ADAMTS6: variants seen among roughly 807,000 people sequenced by gnomAD.
ADAMTS6 encodes the protein ADAM metallopeptidase with thrombospondin type 1 motif 6.
A neutral mutation model predicts 144.3 loss-of-function variants in ADAMTS6; 23 were observed. That is an observed-to-expected ratio of 0.16 (90% CI 0.11 to 0.23). The LOEUF (loss-of-function observed/expected upper bound fraction) is 0.23, where lower values mean the gene tolerates loss of function less well. Ranked by LOEUF, ADAMTS6 falls within the 10% of genes least tolerant of loss-of-function variation. The probability of loss-of-function intolerance (pLI) is 1.00; values close to 1 mark genes in which losing one functional copy is unlikely to be tolerated. For synonymous variants in ADAMTS6, 444 were observed against 457.5 expected (o/e 0.97, Z 0.38); for missense variants, 999 against 1,379.6 (o/e 0.72, Z 4.37).
chr5:65,292,662 T>G (rs188606918), intron 10 of ADAMTS6, among the ~76,000 whole-genome samples: 1 of 152,134 alleles, frequency 6.6e-6, no homozygotes, highest in Non-Finnish European at 1.5e-5. Flanking sequence ...TACGGTGATA[T>G]AGAGTTAAAG....
intron 11 of ADAMTS6, among the ~76,000 whole-genome samples, chr5:65,282,499 T>A (rs1763059047): frequency 6.6e-6 from 1 of 152,078 alleles, no homozygotes; most frequent in Admixed American, 6.6e-5. Context: ...CTCTGCTGGA[T>A]CAGGGAAAAG....
rs1554083187 is a variant in ADAMTS6, at chr5:65,398,796, G to GA, written c.1073+52678dup. Among the ~76,000 whole-genome samples, 39 of 83,968 alleles carry GA rather than the reference G, an allele frequency of 4.6e-4. 1 individual carries two copies. Among genetic ancestry groups the GA allele is most frequent in the Admixed American group, 1.3e-3 (11 of 8,422 alleles). The allele number at this position is 83,968 out of a possible 152,430, so 55.1% of individuals were successfully genotyped here. A position where few individuals can be genotyped will look rare whatever the true frequency, so the allele number is the denominator to read the frequency against. Reference sequence around the variant, plus strand: ...GAAGAGAGAGCAAGAAAGAAAGAAAGAAAGAAAGAAAGAAAGAAAGAAAGA... The same window carrying GA: ...GAAGAGAGAGCAAGAAAGAAAGAAAGAAAAGAAAGAAAGAAAGAAAGAAAGA... On this transcript the variant is annotated intron_variant, in intron 7 of 24. Coordinates refer to ENST00000381055, the MANE Select transcript of ADAMTS6 (RefSeq NM_197941.4).
At chr5:65,233,595 ATACT>A (rs1758430018) in intron 15 of ADAMTS6, among the ~76,000 whole-genome samples, 3 of 151,984 alleles carry the variant, frequency 2.0e-5, no homozygotes, top group African/African-American at 7.2e-5. Context: ...TAGCCTAAAA[ATACT>A]TAGGTATAAC....
At chr5:65,435,686 C>T (rs925233204) in intron 7 of ADAMTS6, among the ~76,000 whole-genome samples, 4 of 151,584 alleles carry the variant, frequency 2.6e-5, no homozygotes, top group East Asian at 1.9e-4. Context: ...AGTACAGTGG[C>T]GCGATATCGG....
chr5:65,327,941 A>G (rs376298984), intron 9 of ADAMTS6, among the ~76,000 whole-genome samples: 3 of 152,168 alleles, frequency 2.0e-5, no homozygotes, highest in African/African-American at 7.2e-5. Flanking sequence ...ATTCAGTTTG[A>G]TTGCATAAGA....
intron 10 of ADAMTS6, among the ~76,000 whole-genome samples, chr5:65,292,349 T>G (rs1213747059): frequency 6.6e-6 from 1 of 151,986 alleles, no homozygotes; most frequent in Non-Finnish European, 1.5e-5. Context: ...ATTTAAAAAT[T>G]TTTTCCAACA....
intron 20 of ADAMTS6, among the ~76,000 whole-genome samples, chr5:65,204,122 A>C (rs62369565): frequency 6.6e-6 from 1 of 152,104 alleles, no homozygotes; most frequent in African/African-American, 2.4e-5. Context: ...ATTAGAGAAA[A>C]TGCAATCCAC....
chr5:65,443,328 G>A (rs1183401437), intron 7 of ADAMTS6, among the ~76,000 whole-genome samples: 4 of 152,038 alleles, frequency 2.6e-5, no homozygotes, highest in East Asian at 1.9e-4. Flanking sequence ...AAGAATGAAA[G>A]GTTGTTTTGG....
At chr5:65,278,544 C>A (rs768909820) in intron 11 of ADAMTS6, among the ~76,000 whole-genome samples, 1 of 152,164 alleles carries the variant, frequency 6.6e-6, no homozygotes, top group Non-Finnish European at 1.5e-5. Flanking sequence ...GGTGGTATCT[C>A]ACTGTGGTTT....
chr5:65,370,326 C>G (rs906003998), intron 7 of ADAMTS6, among the ~76,000 whole-genome samples: 4 of 152,168 alleles, frequency 2.6e-5, no homozygotes, highest in Admixed American at 2.0e-4. Flanking sequence ...ATGAGCAACG[C>G]AGAAGGCGGG....
rs560314566 is a variant in ADAMTS6 at position 65,194,720 on chromosome 5, C to G, written c.2705+2302G>C. On this transcript the variant is annotated intron_variant, in intron 21 of 24. Transcript: ENST00000381055. Reference sequence around the variant, plus strand: ...CTACATTTAGGTCTTTAAAAAAAACCCATCAGACTAAACTTTCTATTTTTC... The same window carrying G: ...CTACATTTAGGTCTTTAAAAAAAACGCATCAGACTAAACTTTCTATTTTTC... Among the ~76,000 whole-genome samples the G allele has an allele frequency of 2.6e-5, 4 of 151,870 alleles. No homozygotes were observed. In the East Asian group the frequency reaches 7.7e-4, roughly 29 times the overall value.
rs2112334053 is a variant in ADAMTS6 at position 65,215,477 on chromosome 5, A to C, written c.2283T>G (p.Ser761=). ...CATTAATATAGTAATCATCTCCTTC[A>C]GATTTTAAAGCTAGAAAACAAATCA... The part of the protein sequence containing the change: ...AMSKNYIALK[S]EGDDYYINGA... The change falls in exon 19 of 25, where the codon TCT becomes TCG. Residue 761 remains serine (S), a synonymous_variant. Transcript: ENST00000381055. 6.2e-7 allele frequency: 1 copy of C among 1,601,460 alleles called. No individual in the cohort carries two copies. Among genetic ancestry groups the C allele is most frequent in the East Asian group, 2.2e-5 (1 of 44,810 alleles).
intron 7 of ADAMTS6, among the ~76,000 whole-genome samples, chr5:65,413,787 T>C (rs1272899859): frequency 6.6e-6 from 1 of 152,196 alleles, no homozygotes; most frequent in African/African-American, 2.4e-5. Flanking sequence ...ATTGCTACTC[T>C]ACTGGTGTTT....
At chr5:65,205,997 A>G (rs1422895703) in intron 20 of ADAMTS6, among the ~76,000 whole-genome samples, 1 of 152,056 alleles carries the variant, frequency 6.6e-6, no homozygotes. Context: ...GAACATCACC[A>G]GGGCCCTGAA....
chr5:65,233,854 G>T (rs1053783131), intron 15 of ADAMTS6, among the ~76,000 whole-genome samples: 4 of 151,916 alleles, frequency 2.6e-5, no homozygotes, highest in African/African-American at 9.7e-5. Context: ...AAAACTAGAG[G>T]CATCACACTT....
At chr5:65,204,359 C>T (rs1007963719) in intron 20 of ADAMTS6, among the ~76,000 whole-genome samples, 3 of 152,110 alleles carry the variant, frequency 2.0e-5, no homozygotes, top group African/African-American at 4.8e-5. Context: ...GAACCAACCA[C>T]GAACATGAGT....
At chr5:65,194,153 A>G (rs967459) in intron 21 of ADAMTS6, among the ~76,000 whole-genome samples, 59,573 of 152,030 alleles carry the variant, frequency 0.39, 11,772 homozygotes, top group Admixed American at 0.49. Context: ...TTCTATCTCT[A>G]TAATACCAAT....
Position 65,266,784 on chromosome 5 carries a change from G to A in ADAMTS6, c.1621-3822C>T, listed in dbSNP as rs926240775. On this transcript the variant is annotated intron_variant, in intron 12 of 24. Transcript: ENST00000381055. ...GATTTTGATCTCTGCAGAAGTGTTC[G>A]TGTTTTGTTTTCCTCCTTTGTTATT... Among the ~76,000 whole-genome samples, 4 of 151,882 alleles carry A rather than the reference G, an allele frequency of 2.6e-5. No homozygotes were observed. The South Asian group carries it at 6.2e-4, about 24-fold the overall frequency.
intron 13 of ADAMTS6, 162 bp downstream of exon 13, chr5:65,262,655 T>C (rs1411565275): frequency 1.5e-6 from 1 of 657,308 alleles, no homozygotes; most frequent in Non-Finnish European, 2.2e-6. Flanking sequence ...GAAGAAAGTC[T>C]GTCTAACAAA....
Sources: gnomAD v4.1 joint callset for allele counts (sites outside exome capture counted in the v4.1 genomes callset) on GRCh38, gnomAD v4.1.1 for gene constraint, MANE v1.5 for transcripts, NCBI Gene and HGNC (gene_info 2026-07-23, HGNC 2026-07-21) for gene names.